DGKB: variants seen among roughly 807,000 people sequenced by gnomAD.
DGKB encodes the protein 90 kDa diacylglycerol kinase.
In DGKB, 67 loss-of-function variants were observed where a neutral mutation model predicts 114.3. The ratio of observed to expected loss-of-function variants is 0.59; its 90% CI spans 0.48 to 0.72. DGKB has a LOEUF of 0.72. Among genes scored for constraint, DGKB ranks in the 30% least tolerant of loss-of-function variants. The pLI, the probability that DGKB is intolerant of heterozygous loss-of-function variation, is 0.00. For missense variants in DGKB, 907 were observed against 975.2 expected (o/e 0.93, Z 0.93); for synonymous variants, 398 against 323.1 (o/e 1.23, Z -2.49).
chr7:14,586,696 T>A (rs941179495), intron 17 of DGKB, among the ~76,000 whole-genome samples: 1 of 152,088 alleles, frequency 6.6e-6, no homozygotes, highest in Non-Finnish European at 1.5e-5. Flanking sequence ...TTGAAGCCAA[T>A]GCTCATTTGC....
intron 23 of DGKB, among the ~76,000 whole-genome samples, chr7:14,228,319 C>T (rs981508058): frequency 6.6e-6 from 1 of 151,988 alleles, no homozygotes; most frequent in Non-Finnish European, 1.5e-5. Flanking sequence ...GCTGGACATG[C>T]TCTGGCACAT....
At chr7:14,589,948 G>C (rs1214872455) in intron 17 of DGKB, among the ~76,000 whole-genome samples, 2 of 148,864 alleles carry the variant, frequency 1.3e-5, no homozygotes, top group African/African-American at 2.5e-5. Context: ...TTTTGTGGAA[G>C]AATTTGTATA....
intron 23 of DGKB, among the ~76,000 whole-genome samples, chr7:14,224,084 G>C (rs1790411528): frequency 6.6e-6 from 1 of 151,286 alleles, no homozygotes; most frequent in Non-Finnish European, 1.5e-5. Context: ...TTTCAATAAA[G>C]CTGGGTAGTT....
intron 1 of DGKB, among the ~76,000 whole-genome samples, chr7:14,876,642 A>G (rs961065278): frequency 8.5e-5 from 13 of 152,200 alleles, no homozygotes; most frequent in Non-Finnish European, 1.6e-4. Context: ...TACAAGTAGC[A>G]TCAAATTCAG....
At chr7:14,772,420 A>C (rs2128473846) in intron 2 of DGKB, among the ~76,000 whole-genome samples, 1 of 152,226 alleles carries the variant, frequency 6.6e-6, no homozygotes, top group South Asian at 2.1e-4. Context: ...AACTACACAA[A>C]ACAGATATGT....
At chr7:14,804,359 G>T (rs1009422513) in intron 2 of DGKB, among the ~76,000 whole-genome samples, 6 of 151,374 alleles carry the variant, frequency 4.0e-5, no homozygotes, top group East Asian at 1.9e-4. Context: ...TATATATTTT[G>T]CAGTTTCAGC....
intron 23 of DGKB, among the ~76,000 whole-genome samples, chr7:14,297,567 A>G (rs967789425): frequency 2.0e-5 from 3 of 152,128 alleles, no homozygotes; most frequent in African/African-American, 7.2e-5. Flanking sequence ...AAATAATAAG[A>G]GCTGTTTATG....
At chr7:14,256,039 T>C (rs542554873) in intron 23 of DGKB, among the ~76,000 whole-genome samples, 1 of 152,360 alleles carries the variant, frequency 6.6e-6, no homozygotes, top group South Asian at 2.1e-4. Context: ...ATGATTCTCC[T>C]CATTCTTTAT....
chr7:14,905,575 A>G (rs1351031666), upstream of DGKB, among the ~76,000 whole-genome samples: 2 of 152,188 alleles, frequency 1.3e-5, no homozygotes, highest in Admixed American at 6.6e-5. Flanking sequence ...ATTCCTCAAC[A>G]TAATCATCAA....
intron 2 of DGKB, among the ~76,000 whole-genome samples, chr7:14,772,691 A>G (rs1370897471): frequency 6.6e-6 from 1 of 152,146 alleles, no homozygotes; most frequent in African/African-American, 2.4e-5. Flanking sequence ...ATGGAAAGAG[A>G]TATCCAATGT....
chr7:14,646,272 C>A (rs968437428), intron 13 of DGKB, among the ~76,000 whole-genome samples: 1 of 151,950 alleles, frequency 6.6e-6, no homozygotes, highest in African/African-American at 2.4e-5. Flanking sequence ...TAAAAACAGA[C>A]AAAGAAGGTC....
intron 1 of DGKB, among the ~76,000 whole-genome samples, chr7:14,962,253 AGTGAATAAGGTAATTTTCAGT>A (rs1395148853): frequency 2.6e-5 from 4 of 152,138 alleles, no homozygotes; most frequent in Non-Finnish European, 1.5e-5. Context: ...CAATTTCAGA[AGTGAATAAGGTAATTTTCAGT>A]GTGAGAATGG....
chr7:14,720,473 T>TTGTGTGTGTGTGTGTG (rs61654464), intron 5 of DGKB, among the ~76,000 whole-genome samples: 56 of 136,558 alleles, frequency 4.1e-4, no homozygotes, highest in African/African-American at 1.4e-3. Flanking sequence ...CCCGGCTGAT[T>TTGTGTGTGTGTGTGTG]TGTGTGTGTG....
Position 14,925,539 on chromosome 7 carries a change from G to T in DGKB, c.-188+49157C>A, listed in dbSNP as rs147280228. Among the ~76,000 whole-genome samples, 133 of 152,130 alleles carry T rather than the reference G, an allele frequency of 8.7e-4. 2 individuals are homozygous for T. The highest frequency in any genetic ancestry group is 3.2e-3 in the African/African-American group (131 of 41,530). On this transcript the variant is annotated intron_variant, in intron 1 of 4. Transcript: ENST00000437998. ...TTGAGTTGTCTAATTCATGAATATG[G>T]TATGTCTTATTTAGGTCTTCTTTGA... is the stretch of plus-strand genomic sequence containing the variant.
intron 15 of DGKB, among the ~76,000 whole-genome samples, chr7:14,615,203 C>G (rs1806290041): frequency 6.6e-6 from 1 of 151,872 alleles, no homozygotes; most frequent in African/African-American, 2.4e-5. Flanking sequence ...TCAAAGTAAA[C>G]AGATTTTTAA....
intron 2 of DGKB, among the ~76,000 whole-genome samples, chr7:14,826,746 C>T (rs1466116205): frequency 2.0e-5 from 3 of 152,024 alleles, no homozygotes; most frequent in East Asian, 1.9e-4. Context: ...TAAGTACTGG[C>T]TTGGTAGAGT....
At position 14,318,878 on chromosome 7, in the gene DGKB, G is replaced by A. The variant is rs564507653; in HGVS notation, c.2122+19637C>T. Among the ~76,000 whole-genome samples, 17 of 152,216 alleles carry A rather than the reference G, an allele frequency of 1.1e-4. No homozygotes were observed. The South Asian group carries it at 3.5e-3, about 32-fold the overall frequency. On this transcript the variant is annotated intron_variant, in intron 23 of 25. Transcript: ENST00000402815. The stretch of plus-strand genomic sequence containing the variant: ...CATTATTCACAATAGCAAAGACTTG[G>A]AACCAACCCAAATGTCCCACAATGA...
At chr7:14,407,115 G>C (rs1398395699) in intron 21 of DGKB, among the ~76,000 whole-genome samples, 2 of 152,024 alleles carry the variant, frequency 1.3e-5, no homozygotes, top group Non-Finnish European at 2.9e-5. Flanking sequence ...GTCAGAAAGT[G>C]AGGGCAATGA....
chr7:14,469,985 C>T (rs547924143), intron 21 of DGKB, among the ~76,000 whole-genome samples: 5 of 151,688 alleles, frequency 3.3e-5, no homozygotes, highest in South Asian at 2.1e-4. Context: ...ATAGGCAAAC[C>T]GTAATTTAGT....
Sources: allele counts gnomAD v4.1 joint callset (sites outside exome capture counted in the v4.1 genomes callset), GRCh38; gene constraint gnomAD v4.1.1; transcripts MANE v1.5; gene names NCBI Gene and HGNC (gene_info 2026-07-23, HGNC 2026-07-21).